The following MED13 variants were observed in gnomAD, a reference collection of about 807,000 sequenced individuals.
MED13 encodes mediator of RNA polymerase II transcription subunit 13.
In MED13, 23 loss-of-function variants were observed where a neutral mutation model predicts 225.2. That is an observed-to-expected ratio of 0.10 (90% CI 0.07 to 0.14). The LOEUF (loss-of-function observed/expected upper bound fraction) is 0.14, where lower values mean the gene tolerates loss of function less well. MED13 is among the 10% of genes least tolerant of loss of function. The pLI is 1.00. For synonymous variants in MED13, 942 were observed against 889.2 expected (o/e 1.06, Z -1.06); for missense variants, 2,197 against 2,594.5 (o/e 0.85, Z 3.33).
chr17:61,978,758 A>T (rs2080178649), intron 16 of MED13, among the ~76,000 whole-genome samples: 1 of 152,108 alleles, frequency 6.6e-6, no homozygotes, highest in Admixed American at 6.6e-5. Context: ...TATGGCTTAA[A>T]ATAATCTTTC....
intron 2 of MED13, among the ~76,000 whole-genome samples, chr17:62,055,577 C>A (rs561004184): frequency 2.0e-5 from 3 of 152,136 alleles, no homozygotes; most frequent in Non-Finnish European, 2.9e-5. Context: ...AATCCCAGCA[C>A]TTTGGGAGGT....
chr17:61,994,427 T>C (rs2080330211), intron 10 of MED13, among the ~76,000 whole-genome samples: 1 of 152,272 alleles, frequency 6.6e-6, no homozygotes, highest in Non-Finnish European at 1.5e-5. Context: ...TTTTTACTTC[T>C]AGGTGCACTG....
chr17:61,952,914 C>T (rs1039908360), intron 27 of MED13, 51 bp downstream of exon 27: 21 of 1,579,318 alleles, frequency 1.3e-5, no homozygotes, highest in Admixed American at 1.8e-5. Context: ...GGATTTTAGG[C>T]GTAAGCCACT....
intron 16 of MED13, among the ~76,000 whole-genome samples, chr17:61,975,893 G>C (rs1402608254): frequency 6.6e-6 from 1 of 152,190 alleles, no homozygotes; most frequent in African/African-American, 2.4e-5. Context: ...GCAGGAGCCT[G>C]TAATCCCAGT....
intron 16 of MED13, among the ~76,000 whole-genome samples, chr17:61,979,103 T>C (rs556924829): frequency 6.6e-6 from 1 of 152,346 alleles, no homozygotes; most frequent in Non-Finnish European, 1.5e-5. Flanking sequence ...TAGTTGTGCT[T>C]GTTTCAAAAC....
intron 9 of MED13, among the ~76,000 whole-genome samples, chr17:62,000,825 T>A (rs1200954221): frequency 6.6e-6 from 1 of 152,138 alleles, no homozygotes. Context: ...TGCAGTGGCG[T>A]GGTCTTGGCT....
intron 9 of MED13, among the ~76,000 whole-genome samples, chr17:62,002,317 C>T (rs760491023): frequency 9.2e-5 from 14 of 151,946 alleles, no homozygotes; most frequent in Non-Finnish European, 1.9e-4. Context: ...TGGCGAAACC[C>T]GTCTCTACTG....
intron 8 of MED13, among the ~76,000 whole-genome samples, chr17:62,021,310 G>A (rs2080642502): frequency 7.3e-6 from 1 of 137,442 alleles, no homozygotes; most frequent in Non-Finnish European, 1.6e-5. Flanking sequence ...GGCTGGCCGG[G>A]CGGGGGGCTG....
At chr17:62,043,341 G>A (rs755340054) in intron 3 of MED13, among the ~76,000 whole-genome samples, 1 of 152,008 alleles carries the variant, frequency 6.6e-6, no homozygotes, top group Non-Finnish European at 1.5e-5. Context: ...TAAGATTTCA[G>A]AAATGATACA....
intron 2 of MED13, among the ~76,000 whole-genome samples, chr17:62,058,868 G>A (rs1323844209): frequency 6.6e-6 from 1 of 152,178 alleles, no homozygotes; most frequent in Non-Finnish European, 1.5e-5. Flanking sequence ...TAAATCAGAC[G>A]TGATTTGCTG....
intron 21 of MED13, among the ~76,000 whole-genome samples, chr17:61,962,295 C>A (rs1326786537): frequency 6.6e-6 from 1 of 151,916 alleles, no homozygotes; most frequent in African/African-American, 2.4e-5. Flanking sequence ...AGAAAAAAAA[C>A]AACAACAAAA....
Position 62,015,915 on chromosome 17 carries a change from CATATATATATATATATATAT to C in MED13, c.1284-4702_1284-4683del, listed in dbSNP as rs1198126410. Among the ~76,000 whole-genome samples, 10 of 8,606 alleles carry C rather than the reference CATATATATATATATATATAT, an allele frequency of 1.2e-3. 1 individual carries two copies. The highest frequency in any genetic ancestry group is 1.8e-3 in the Non-Finnish European group (8 of 4,514). 5.6% of individuals were successfully genotyped at this position (8,606 alleles called of 152,430 possible). A position where few individuals can be genotyped will look rare whatever the true frequency, so the allele number is the denominator to read the frequency against. ...CACACACACACATACACACTATACACATATATATATATATATATATATATATATATATATATATATTTTTT... is the reference window on the plus strand; with the variant it reads ...CACACACACACATACACACTATACACATATATATATATATATATATTTTTT... On this transcript the variant is annotated intron_variant, in intron 8 of 29. Coordinates refer to ENST00000397786, the MANE Select transcript of MED13 (RefSeq NM_005121.3).
chr17:61,991,275 C>T (rs1025891435), intron 11 of MED13, among the ~76,000 whole-genome samples: 1 of 151,722 alleles, frequency 6.6e-6, no homozygotes, highest in Non-Finnish European at 1.5e-5. Context: ...CCTGGCACCA[C>T]ACATGCTTTA....
At chr17:61,967,200 T>C (rs1207870635) in intron 18 of MED13, among the ~76,000 whole-genome samples, 1 of 152,192 alleles carries the variant, frequency 6.6e-6, no homozygotes, top group East Asian at 1.9e-4. Flanking sequence ...TTCTTTACTG[T>C]AAGAATTTCA....
chr17:62,004,255 A>T (rs2080424502), intron 9 of MED13: 1 of 152,250 alleles, frequency 6.6e-6, no homozygotes, highest in Non-Finnish European at 1.5e-5. Context: ...ATACAGCAGT[A>T]AACAAGACAA....
In MED13 at chr17:61,958,511, G is replaced by A. The variant is rs2079969359; in HGVS notation, c.5481-2030C>T. Reference sequence around the variant, plus strand: ...GTACGACCACACCCAGCTAATTTTTGTATTTTTAGTAGAGACAGGGTTTCA... The same window carrying A: ...GTACGACCACACCCAGCTAATTTTTATATTTTTAGTAGAGACAGGGTTTCA... On this transcript the variant is annotated intron_variant, in intron 23 of 29. Transcript: ENST00000397786. Among the ~76,000 whole-genome samples, 5 of 152,050 alleles carry A rather than the reference G, an allele frequency of 3.3e-5. No homozygotes were observed. The South Asian group carries it at 1.0e-3, about 32-fold the overall frequency.
intron 9 of MED13, among the ~76,000 whole-genome samples, chr17:62,003,247 A>AC (rs1437321743): frequency 6.6e-6 from 1 of 152,144 alleles, no homozygotes; most frequent in Non-Finnish European, 1.5e-5. Flanking sequence ...TTGATGGTTC[A>AC]CCTTCTGGAT....
chr17:62,060,616 G>T (rs547343837), intron 2 of MED13, among the ~76,000 whole-genome samples: 2 of 144,826 alleles, frequency 1.4e-5, no homozygotes, highest in African/African-American at 5.1e-5. Context: ...CTGCACTCCA[G>T]CCCGCGGGAC....
At chr17:62,022,514 G>C (rs1002914040) in intron 8 of MED13, among the ~76,000 whole-genome samples, 4 of 151,674 alleles carry the variant, frequency 2.6e-5, no homozygotes, top group Non-Finnish European at 5.9e-5. Flanking sequence ...TCACTACATT[G>C]TCCAGGCTAG....
Sources: allele counts gnomAD v4.1 joint callset (sites outside exome capture counted in the v4.1 genomes callset), GRCh38; gene constraint gnomAD v4.1.1; transcripts MANE v1.5; gene names NCBI Gene and HGNC (gene_info 2026-07-23, HGNC 2026-07-21).